Variants in C10orf67 observed in about 807,000 individuals in gnomAD.
C10orf67 encodes the protein chromosome 10 open reading frame 67.
C10orf67 carries 60 observed loss-of-function variants against 35.6 expected under a neutral mutation model. The observed-to-expected ratio is 1.68, with a 90% CI of 1.37 to 2.09. The LOEUF is 2.09. C10orf67 is among the 30% of genes most tolerant of loss of function. The pLI is 0.00. For missense variants in C10orf67, 474 were observed against 330.2 expected, an observed-to-expected ratio of 1.44 and a Z score of -3.38; for synonymous variants, 167 against 115.8, an observed-to-expected ratio of 1.44 and a Z score of -2.84.
At position 23,239,811 on chromosome 10, in the gene C10orf67, T is replaced by C. The variant is rs1177138464; in HGVS notation, c.1352A>G (p.His451Arg). The change falls in exon 13 of 16, where the codon CAT (histidine) becomes CGT (arginine). Residue 451 changes from histidine to arginine, a missense_variant. Physicochemically the swap from His to Arg is conservative, Grantham distance 29. Transcript: ENST00000636213. ...KRFFILRNSFHVLKNEMFTRH... is the reference protein window; with the variant it reads ...KRFFILRNSFRVLKNEMFTRH... ...TGTAAACATCTCATTCTTAAGGACATGAAAGCTGAAATTTTAAAAATGATG... is the reference window on the plus strand; with the variant it reads ...TGTAAACATCTCATTCTTAAGGACACGAAAGCTGAAATTTTAAAAATGATG... The C allele has an allele frequency of 1.6e-6, 1 of 613,192 alleles. No homozygotes were observed. Among genetic ancestry groups the C allele is most frequent in the Non-Finnish European group, 3.2e-6 (1 of 313,494 alleles). 38.0% of individuals were successfully genotyped at this position (613,192 alleles called of 1,614,324 possible). A position where few individuals can be genotyped will look rare whatever the true frequency, so the allele number is the denominator to read the frequency against.
At chr10:23,292,945 C>T (rs1843765576) in intron 5 of C10orf67, among the ~76,000 whole-genome samples, 1 of 151,284 alleles carries the variant, frequency 6.6e-6, no homozygotes, top group African/African-American at 2.4e-5. Flanking sequence ...ATTTCTTGTC[C>T]CACATTGTTC....
chr10:23,344,059 A>G, intron 1 of C10orf67: 1 of 298,634 alleles, frequency 3.3e-6, no homozygotes, highest in South Asian at 2.9e-5. Flanking sequence ...CGGAGTCGGG[A>G]ACCCGGCGTC....
intron 4 of C10orf67, among the ~76,000 whole-genome samples, chr10:23,307,098 A>G (rs997770257): frequency 6.6e-6 from 1 of 152,234 alleles, no homozygotes; most frequent in African/African-American, 2.4e-5. Flanking sequence ...AAGCATTTAG[A>G]TGCTTCCTAT....
At chr10:23,218,000 C>T (rs977945242) in intron 15 of C10orf67, among the ~76,000 whole-genome samples, 10 of 152,206 alleles carry the variant, frequency 6.6e-5, no homozygotes, top group East Asian at 3.8e-4. Flanking sequence ...ATCTGACCTA[C>T]GGACAGAGCT....
chr10:23,311,722 A>AG (rs1844506040), intron 4 of C10orf67, among the ~76,000 whole-genome samples: 2 of 22,294 alleles, frequency 9.0e-5, no homozygotes, highest in African/African-American at 1.9e-4. Context: ...AAAGAAAAAA[A>AG]AAAAGAAATT....
At chr10:23,289,999 T>A in intron 6 of C10orf67, 41 bp from the exon 7 acceptor site, 3 of 715,244 alleles carry the variant, frequency 4.2e-6, no homozygotes, top group Non-Finnish European at 7.8e-6. Flanking sequence ...TGAAATTACA[T>A]GCTTATGCCC....
intron 4 of C10orf67, among the ~76,000 whole-genome samples, chr10:23,307,150 A>C (rs1844317310): frequency 6.6e-6 from 1 of 152,202 alleles, no homozygotes; most frequent in Admixed American, 6.5e-5. Flanking sequence ...AAAACCAAAA[A>C]AAGGATGAAA....
chr10:23,224,257 C>T (rs890920577), intron 13 of C10orf67, among the ~76,000 whole-genome samples: 13 of 152,174 alleles, frequency 8.5e-5, no homozygotes, highest in African/African-American at 2.4e-4. Flanking sequence ...TGCTGATACC[C>T]GGGTAAACAG....
At chr10:23,260,228 T>C (rs1193624558) in intron 10 of C10orf67, among the ~76,000 whole-genome samples, 2 of 152,126 alleles carry the variant, frequency 1.3e-5, no homozygotes, top group Admixed American at 1.3e-4. Flanking sequence ...CGAAAGAGGG[T>C]GTAGTCATAT....
intron 4 of C10orf67, among the ~76,000 whole-genome samples, chr10:23,315,796 C>G (rs1377714410): frequency 6.6e-6 from 1 of 151,820 alleles, no homozygotes; most frequent in Non-Finnish European, 1.5e-5. Context: ...AAGAATAATA[C>G]CGGATAAGAT....
At chr10:23,309,254 C>G (rs1368117497) in intron 4 of C10orf67, among the ~76,000 whole-genome samples, 1 of 152,016 alleles carries the variant, frequency 6.6e-6, no homozygotes, top group South Asian at 2.1e-4. Flanking sequence ...ATGAATGGAG[C>G]TGGAGGCATT....
intron 4 of C10orf67, among the ~76,000 whole-genome samples, chr10:23,303,964 GA>G (rs1469682316): frequency 1.3e-5 from 2 of 152,166 alleles, no homozygotes; most frequent in Admixed American, 6.5e-5. Context: ...TACAAACCCA[GA>G]AATTGCTTCA....
chr10:23,245,864 G>A (rs1842305323), intron 12 of C10orf67, among the ~76,000 whole-genome samples: 11 of 152,190 alleles, frequency 7.2e-5, no homozygotes, highest in Admixed American at 7.2e-4. Context: ...TATACCCAAA[G>A]GAGTATAAAT....
chr10:23,292,667 A>G (rs1843755070), intron 5 of C10orf67, among the ~76,000 whole-genome samples: 1 of 152,224 alleles, frequency 6.6e-6, no homozygotes, highest in Non-Finnish European at 1.5e-5. Flanking sequence ...TTTTTGTAGT[A>G]CATTAATAAG....
intron 12 of C10orf67, among the ~76,000 whole-genome samples, chr10:23,240,990 C>T (rs527936172): frequency 6.6e-6 from 1 of 152,302 alleles, no homozygotes; most frequent in Admixed American, 6.5e-5. Context: ...GATAAAACTA[C>T]TCAGGGTCAA....
intron 5 of C10orf67, among the ~76,000 whole-genome samples, chr10:23,301,690 G>C (rs959203714): frequency 3.3e-5 from 5 of 151,598 alleles, no homozygotes; most frequent in East Asian, 1.9e-4. Flanking sequence ...ATGCGGTGGT[G>C]GTGGGCCTCT....
chr10:23,228,421 C>T (rs1224023919), intron 13 of C10orf67, among the ~76,000 whole-genome samples: 3 of 152,140 alleles, frequency 2.0e-5, no homozygotes, highest in Non-Finnish European at 2.9e-5. Flanking sequence ...CTTCCTTAAC[C>T]TTATACAAAA....
chr10:23,264,896 C>G (rs1021725260), intron 10 of C10orf67, among the ~76,000 whole-genome samples: 2 of 152,230 alleles, frequency 1.3e-5, no homozygotes, highest in African/African-American at 4.8e-5. Flanking sequence ...CCTTGGGCCC[C>G]TCACCCAGCA....
chr10:23,280,288 A>C (rs1843331767), intron 8 of C10orf67, among the ~76,000 whole-genome samples: 1 of 152,216 alleles, frequency 6.6e-6, no homozygotes, highest in African/African-American at 2.4e-5. Flanking sequence ...TCTAGCTAGA[A>C]AGTATTTACA....
Sources: allele counts gnomAD v4.1 joint callset (sites outside exome capture counted in the v4.1 genomes callset), GRCh38; gene constraint gnomAD v4.1.1; transcripts MANE v1.5; gene names NCBI Gene and HGNC (gene_info 2026-07-23, HGNC 2026-07-21).